PLPP4: variants seen among roughly 807,000 people sequenced by gnomAD.
The protein encoded by PLPP4 is diacylglycerol pyrophosphate like 2.
In PLPP4, 20 loss-of-function variants were observed where a neutral mutation model predicts 32.2. That is an observed-to-expected ratio of 0.62 (90% confidence interval 0.44 to 0.90). The LOEUF is 0.90. Ranked by LOEUF, PLPP4 falls within the 40% of genes least tolerant of loss-of-function variation. PLPP4 has a pLI of 0.00. For missense variants in PLPP4, 257 were observed against 353.1 expected (o/e 0.73, Z 2.18); for synonymous variants, 127 against 133.0 (o/e 0.95, Z 0.31).
chr10:120,456,975 G>C (rs1847804619), upstream of PLPP4: 2 of 154,208 alleles, frequency 1.3e-5, no homozygotes, highest in African/African-American at 4.8e-5. This position sits in a 1 kb window ranked among gnomAD's most constrained non-coding sequence, Gnocchi z 4.1. Flanking sequence ...TCCCCGGTCC[G>C]CGGGTGCCCG....
At chr10:120,561,766 C>A (rs1220577078) in intron 5 of PLPP4, among the ~76,000 whole-genome samples, 9 of 152,164 alleles carry the variant, frequency 5.9e-5, no homozygotes, top group Non-Finnish European at 1.3e-4. Context: ...CATGGAGAAT[C>A]ACTTGTCAAC....
intron 5 of PLPP4, among the ~76,000 whole-genome samples, chr10:120,564,457 TTA>T (rs1384701400): frequency 4.6e-5 from 7 of 151,890 alleles, no homozygotes; most frequent in Admixed American, 3.3e-4. Context: ...CACAAAGTTG[TTA>T]TATGTCTATT....
chr10:120,483,103 T>C (rs1589742356), intron 1 of PLPP4, among the ~76,000 whole-genome samples: 1 of 152,198 alleles, frequency 6.6e-6, no homozygotes, highest in African/African-American at 2.4e-5. Flanking sequence ...CTTTCTCCCA[T>C]GCTGAATGCT....
At chr10:120,462,920 T>G (rs372054161) in intron 1 of PLPP4, among the ~76,000 whole-genome samples, 20 of 151,978 alleles carry the variant, frequency 1.3e-4, no homozygotes, top group African/African-American at 4.3e-4. Flanking sequence ...TTGTGTTAAG[T>G]GAAGTTTTGG....
At chr10:120,523,124 C>T (rs1190947770) in intron 5 of PLPP4, among the ~76,000 whole-genome samples, 6 of 152,108 alleles carry the variant, frequency 3.9e-5, no homozygotes, top group African/African-American at 1.2e-4. Flanking sequence ...GGTGAAACCC[C>T]ACCTCTACTA....
At chr10:120,469,430 T>C (rs908090296) in intron 1 of PLPP4, among the ~76,000 whole-genome samples, 2 of 152,096 alleles carry the variant, frequency 1.3e-5, no homozygotes, top group African/African-American at 4.8e-5. Context: ...GGTTTCACCG[T>C]GTTAGCCAGG....
At chr10:120,491,637 G>A (rs1042400018) in intron 1 of PLPP4, among the ~76,000 whole-genome samples, 5 of 152,088 alleles carry the variant, frequency 3.3e-5, no homozygotes, top group Non-Finnish European at 5.9e-5. Context: ...TGGCCAATGG[G>A]CAAAGTTGTT....
intron 3 of PLPP4, 133 bp from the exon 4 acceptor site, chr10:120,518,700 A>G (rs1301727332): frequency 3.0e-6 from 2 of 670,610 alleles, no homozygotes; most frequent in East Asian, 2.9e-5. Context: ...CTCTGTTTTC[A>G]AAGTATTCGT....
At chr10:120,533,038 A>G (rs1846814860) in intron 5 of PLPP4, among the ~76,000 whole-genome samples, 1 of 152,202 alleles carries the variant, frequency 6.6e-6, no homozygotes, top group Non-Finnish European at 1.5e-5. Flanking sequence ...GGTAATAACA[A>G]CTAAGAATGG....
intron 5 of PLPP4, among the ~76,000 whole-genome samples, chr10:120,527,023 G>A (rs1304821645): frequency 6.6e-6 from 1 of 152,140 alleles, no homozygotes; most frequent in Non-Finnish European, 1.5e-5. Flanking sequence ...TGGAATGTGT[G>A]TTCTTGTTTG....
chr10:120,501,769 A>C (rs1260308698), intron 1 of PLPP4, among the ~76,000 whole-genome samples: 1 of 152,208 alleles, frequency 6.6e-6, no homozygotes, highest in East Asian at 1.9e-4. Flanking sequence ...AGTGTTTTAA[A>C]ATCCACATTA....
intron 1 of PLPP4, among the ~76,000 whole-genome samples, chr10:120,476,042 G>A (rs750569109): frequency 1.4e-4 from 22 of 152,286 alleles, no homozygotes; most frequent in African/African-American, 5.1e-4. Flanking sequence ...ACATGGAGAC[G>A]AATAATGGCA....
At chr10:120,478,587 C>T (rs1253126438) in intron 1 of PLPP4, among the ~76,000 whole-genome samples, 2 of 152,186 alleles carry the variant, frequency 1.3e-5, no homozygotes, top group African/African-American at 4.8e-5. Context: ...AGTTAACATT[C>T]TTGTGGGTGG....
At chr10:120,575,412 C>A in intron 6 of PLPP4, 111 bp downstream of exon 6, 2 of 1,144,442 alleles carry the variant, frequency 1.7e-6, no homozygotes, top group South Asian at 1.5e-5. Context: ...TTGTCCAAAA[C>A]CAGAGGAGGC....
At chr10:120,532,865 C>A (rs10886706) in intron 5 of PLPP4, among the ~76,000 whole-genome samples, 21,584 of 151,972 alleles carry the variant, frequency 0.14, 1,640 homozygotes, top group Admixed American at 0.23. Context: ...TTTATTTATC[C>A]ATGAATCTAA....
chr10:120,503,942 T>C lies in PLPP4; in HGVS notation c.165+16T>C, dbSNP rs760120294. 2.7e-5 allele frequency: 41 copies of C among 1,508,338 alleles called. No individual in the cohort carries two copies. The highest frequency in any genetic ancestry group is 1.7e-4 in the Middle Eastern group (1 of 5,850). 93.4% of individuals were successfully genotyped at this position (1,508,338 alleles called of 1,614,324 possible). A position where few individuals can be genotyped will look rare whatever the true frequency, so the allele number is the denominator to read the frequency against. ...CCTCATGTTTGTAAGTACCATGATT[T>C]CATTCCTTATTTGACTGCTCTCTCA... On this transcript the variant is annotated intron_variant, in intron 2 of 6. Coordinates refer to ENST00000398250, the MANE Select transcript of PLPP4 (RefSeq NM_001030059.3).
intron 5 of PLPP4, among the ~76,000 whole-genome samples, chr10:120,544,406 C>T (rs909082559): frequency 5.9e-5 from 9 of 152,176 alleles, no homozygotes; most frequent in Non-Finnish European, 1.0e-4. Flanking sequence ...CACATTCTCT[C>T]GATCCTCCCA....
chr10:120,493,039 C>T (rs1249483229), intron 1 of PLPP4, among the ~76,000 whole-genome samples: 1 of 152,206 alleles, frequency 6.6e-6, no homozygotes, highest in Non-Finnish European at 1.5e-5. Context: ...CATTACTGCA[C>T]TGAAGAAAAT....
intron 1 of PLPP4, among the ~76,000 whole-genome samples, chr10:120,457,642 C>A (rs1051324253): frequency 2.2e-4 from 34 of 152,308 alleles, no homozygotes; most frequent in Admixed American, 1.9e-3. Flanking sequence ...GCACCACCTG[C>A]CCGGGGGATC....
Sources: allele counts gnomAD v4.1 joint callset (sites outside exome capture counted in the v4.1 genomes callset), GRCh38; gene constraint gnomAD v4.1.1; non-coding constraint Gnocchi (gnomAD v3.1); transcripts MANE v1.5; gene names NCBI Gene and HGNC (gene_info 2026-07-23, HGNC 2026-07-21).